The following TNRC6A variants were observed in gnomAD, a reference collection of about 807,000 sequenced individuals.
TNRC6A encodes trinucleotide repeat-containing gene 6A protein.
Under a neutral mutation model 221.2 loss-of-function variants are expected in TNRC6A, and 44 were observed. The ratio of observed to expected loss-of-function variants is 0.20; its 90% CI spans 0.16 to 0.26. TNRC6A has a LOEUF of 0.26. TNRC6A is among the 10% of genes least tolerant of loss of function. The pLI is 1.00. For missense variants in TNRC6A, 2,199 were observed against 2,404.4 expected (o/e 0.91, Z 1.79); for synonymous variants, 847 against 838.5 (o/e 1.01, Z -0.18).
At chr16:24,613,115 CAAAAAAAAAAAAAA>C (rs553122873) in intron 1 of TNRC6A, among the ~76,000 whole-genome samples, 1 of 55,684 alleles carries the variant, frequency 1.8e-5, no homozygotes, top group Non-Finnish European at 3.6e-5. Context: ...GACTCTGTCT[CAAAAAAAAAAAAAA>C]AAAAAAAAAA....
intron 1 of TNRC6A, among the ~76,000 whole-genome samples, chr16:24,628,208 C>CT (rs1400897714): frequency 2.0e-5 from 3 of 151,592 alleles, no homozygotes; most frequent in Non-Finnish European, 2.9e-5. Context: ...CACCTGAGGT[C>CT]AGGAGTTGGA....
At chr16:24,664,018 A>G (rs1320067588) in intron 2 of TNRC6A, 1 of 448,680 alleles carries the variant, frequency 2.2e-6, no homozygotes, top group Non-Finnish European at 4.5e-6. Context: ...TAGTGAACAG[A>G]AGAGAAGGGG....
intron 2 of TNRC6A, among the ~76,000 whole-genome samples, chr16:24,700,380 C>T (rs937548145): frequency 8.6e-5 from 13 of 151,980 alleles, no homozygotes; most frequent in African/African-American, 2.9e-4. Flanking sequence ...GGACTACAGA[C>T]GCATGCCACC....
In TNRC6A at chr16:24,789,240, C is replaced by A; in HGVS notation, c.598C>A (p.His200Asn). Residue 200 changes from histidine (H) to asparagine (N), a missense_variant, in exon 6 of 25, where the codon CAC becomes AAC. Around this residue, in one of 8 missense-constraint regions of TNRC6A, gnomAD observed 1,405 missense variants for 1,400.2 expected, o/e 1.00. Transcript: ENST00000395799. Reference sequence around the variant, plus strand: ...CTTCTCCTTTATCCTAGATATAAACCACAGTACTTCAGGATCCCATTATGA... The same window carrying A: ...CTTCTCCTTTATCCTAGATATAAACAACAGTACTTCAGGATCCCATTATGA... The part of the protein sequence containing the change: ...QNSKNQSDIN[H>N]STSGSHYENS... 6.3e-7 allele frequency: 1 copy of A among 1,595,104 alleles called. No individual in the cohort carries two copies. The highest frequency in any genetic ancestry group is 1.1e-5 in the South Asian group (1 of 87,508).
chr16:24,761,658 G>C (rs557119208), intron 4 of TNRC6A, among the ~76,000 whole-genome samples: 1 of 151,772 alleles, frequency 6.6e-6, no homozygotes, highest in Admixed American at 6.6e-5. Context: ...CAATCCTCCT[G>C]CCTCCTGAGT....
In TNRC6A at chr16:24,823,159, A is replaced by T; in HGVS notation, c.5513+146A>T. On this transcript the variant is annotated intron_variant, in intron 24 of 24. Transcript: ENST00000395799. This position sits in a 1 kb window ranked among gnomAD's most constrained non-coding sequence, Gnocchi z 4.3. The stretch of plus-strand genomic sequence containing the variant: ...CCTGATTCCAAGGTCGGCATTCCTA[A>T]GCGGGGAATCAGACCTGGCTAGATG... 8.1e-7 allele frequency: 1 copy of T among 1,235,788 alleles called. No homozygotes were observed. Among genetic ancestry groups the T allele is most frequent in the South Asian group, 1.4e-5 (1 of 72,512 alleles). The allele number at this position is 1,235,788 out of a possible 1,614,324, so 76.6% of individuals were successfully genotyped here.
intron 8 of TNRC6A, chr16:24,795,640 T>A (rs890152060): frequency 1.3e-5 from 5 of 386,972 alleles, no homozygotes; most frequent in African/African-American, 1.0e-4. Context: ...TTTTCATTTT[T>A]AAAATTTTTC....
At chr16:24,618,774 G>A (rs533283849) in intron 1 of TNRC6A, among the ~76,000 whole-genome samples, 13 of 149,828 alleles carry the variant, frequency 8.7e-5, no homozygotes, top group African/African-American at 2.9e-4. Flanking sequence ...GGAACCACAG[G>A]CACATGCCAC....
intron 2 of TNRC6A, among the ~76,000 whole-genome samples, chr16:24,651,531 T>C (rs1161545630): frequency 4.5e-5 from 3 of 66,592 alleles, no homozygotes; most frequent in Admixed American, 2.4e-4. Flanking sequence ...AGAGGAAAAC[T>C]CCATCTCAAA....
chr16:24,611,636 G>A (rs551198555), intron 1 of TNRC6A, among the ~76,000 whole-genome samples: 1 of 152,356 alleles, frequency 6.6e-6, no homozygotes, highest in East Asian at 1.9e-4. Context: ...CCACACCTTT[G>A]CAGAATGAGG....
rs2058181755 is a variant in TNRC6A at position 24,794,655 on chromosome 16, A to G, written c.3464A>G (p.Asn1155Ser). Residue 1155 changes from asparagine (N) to serine (S), a missense_variant, in exon 8 of 25, where the codon AAT becomes AGT. This residue lies in a region of TNRC6A where 1,405 missense variants were observed against 1,400.2 expected (regional missense o/e 1.00). Coordinates refer to ENST00000395799, the MANE Select transcript of TNRC6A (RefSeq NM_014494.4). ...GTGGAGATTGGAATGTGGAATAGTAATTCATCTCAAGAGCTTAACTCATCT... is the reference window on the plus strand; with the variant it reads ...GTGGAGATTGGAATGTGGAATAGTAGTTCATCTCAAGAGCTTAACTCATCT... ...EDVEIGMWNS[N>S]SSQELNSSLN... The G allele has an allele frequency of 1.9e-6, 3 of 1,613,932 alleles. No individual in the cohort carries two copies. Among genetic ancestry groups the G allele is most frequent in the Non-Finnish European group, 1.7e-6 (2 of 1,179,886 alleles).
Position 24,687,911 on chromosome 16 carries a change from CTTCTTTTCTTTTCTTTTCTT to C in TNRC6A, n.402+46930_402+46949del, listed in dbSNP as rs551462314. Among the ~76,000 whole-genome samples the C allele has an allele frequency of 1.9e-4, 23 of 120,254 alleles. 1 individual carries two copies. The highest frequency in any genetic ancestry group is 1.2e-3 in the East Asian group (5 of 4,164). 78.9% of individuals were successfully genotyped at this position (120,254 alleles called of 152,430 possible). ...GCTTATTCCAACTTTCTTGGACATG[CTTCTTTTCTTTTCTTTTCTT>C]TTCTTTTCTTTTCTTTTCTTTTCTT... On this transcript the variant is annotated intron_variant and non_coding_transcript_variant, in intron 2 of 2. Coordinates refer to the TNRC6A transcript ENST00000566108.
Position 24,791,461 on chromosome 16 carries a change from C to T in TNRC6A, c.2819C>T (p.Pro940Leu). 1 of 1,531,292 alleles carries T rather than the reference C, an allele frequency of 6.5e-7. No homozygotes were observed. Among genetic ancestry groups the T allele is most frequent in the South Asian group, 1.3e-5 (1 of 75,972 alleles). The allele number at this position is 1,531,292 out of a possible 1,614,324, so 94.9% of individuals were successfully genotyped here. The change falls in exon 6 of 25, where the codon CCA becomes CTA. Residue 940 changes from proline (P) to leucine (L), a missense_variant. Physicochemically the swap from Pro to Leu is moderately conservative, Grantham distance 98. This residue lies in a region of TNRC6A where 1,405 missense variants were observed against 1,400.2 expected (regional missense o/e 1.00). Coordinates refer to ENST00000395799, the MANE Select transcript of TNRC6A (RefSeq NM_014494.4). ...QSLGWGDSSK[P>L]VSSPDWNKQQ... ...CTAGGTTGGGGAGATTCGTCAAAGCCAGTCAGCTCTCCAGACTGGAACAAG... is the reference window on the plus strand; with the variant it reads ...CTAGGTTGGGGAGATTCGTCAAAGCTAGTCAGCTCTCCAGACTGGAACAAG...
chr16:24,711,796 T>C (rs1256886965), intron 2 of TNRC6A, among the ~76,000 whole-genome samples: 2 of 152,124 alleles, frequency 1.3e-5, no homozygotes, highest in African/African-American at 2.4e-5. Context: ...TTTCCTTTTT[T>C]TGTTTTTGCA....
chr16:24,698,993 G>T, intron 2 of TNRC6A, among the ~76,000 whole-genome samples: 1 of 152,188 alleles, frequency 6.6e-6, no homozygotes, highest in East Asian at 1.9e-4. Flanking sequence ...ACAGGGGTGT[G>T]CCAACACTCC....
At chr16:24,684,862 G>C (rs893994651) in intron 2 of TNRC6A, among the ~76,000 whole-genome samples, 6 of 152,182 alleles carry the variant, frequency 3.9e-5, no homozygotes, top group African/African-American at 1.4e-4. Context: ...AAAGCAGCCG[G>C]TGTCAGGCAG....
chr16:24,643,101 TA>T (rs1902067058), intron 2 of TNRC6A, among the ~76,000 whole-genome samples: 2 of 63,160 alleles, frequency 3.2e-5, no homozygotes, highest in African/African-American at 5.4e-5. Context: ...ATTTTATATA[TA>T]TATATAAAAT....
At chr16:24,821,408 A>G (rs1040847549) in intron 22 of TNRC6A, among the ~76,000 whole-genome samples, 4 of 152,208 alleles carry the variant, frequency 2.6e-5, no homozygotes, top group Non-Finnish European at 5.9e-5. Flanking sequence ...GACACCGGAG[A>G]AAGCACAAAG....
chr16:24,703,625 C>T (rs2056032654), intron 2 of TNRC6A, among the ~76,000 whole-genome samples: 1 of 152,106 alleles, frequency 6.6e-6, no homozygotes, highest in African/African-American at 2.4e-5. Flanking sequence ...TTATTTATAC[C>T]TTCATTCATT....
Sources: allele counts gnomAD v4.1 joint callset (sites outside exome capture counted in the v4.1 genomes callset), GRCh38; gene constraint gnomAD v4.1.1; regional missense constraint gnomAD v4.1.1; non-coding constraint Gnocchi (gnomAD v3.1); transcripts MANE v1.5; gene names NCBI Gene and HGNC (gene_info 2026-07-23, HGNC 2026-07-21).